The following TPH2 variants were observed in gnomAD, a reference collection of about 807,000 sequenced individuals.
TPH2 encodes the protein tryptophan hydroxylase 2.
A neutral mutation model predicts 59.1 loss-of-function variants in TPH2; 27 were observed. The observed-to-expected ratio is 0.46, with a 90% confidence interval of 0.34 to 0.63. The LOEUF (loss-of-function observed/expected upper bound fraction) is 0.63, where lower values mean the gene tolerates loss of function less well. TPH2 is among the 30% of genes least tolerant of loss of function. TPH2 has a pLI of 0.01. For missense variants in TPH2, 523 were observed against 588.3 expected (o/e 0.89, Z 1.15); for synonymous variants, 220 against 210.5 (o/e 1.05, Z -0.39).
chr12:72,002,169 A>G (rs1359274759), intron 8 of TPH2, among the ~76,000 whole-genome samples: 6 of 152,218 alleles, frequency 3.9e-5, no homozygotes, highest in African/African-American at 1.4e-4. Flanking sequence ...CATCCCATAA[A>G]TATATACAAC....
At chr12:71,949,475 G>C in intron 4 of TPH2, 113 bp from the exon 5 acceptor site, 3 of 864,624 alleles carry the variant, frequency 3.5e-6, no homozygotes. Flanking sequence ...GCCATCCTAG[G>C]ATAAGATTTA....
intron 8 of TPH2, among the ~76,000 whole-genome samples, chr12:72,005,638 A>G (rs189738110): frequency 6.6e-6 from 1 of 152,308 alleles, no homozygotes; most frequent in East Asian, 1.9e-4. Flanking sequence ...TATCTTTTAT[A>G]TCTACAGAGG....
intron 8 of TPH2, among the ~76,000 whole-genome samples, chr12:71,994,794 G>A (rs769826493): frequency 6.6e-6 from 1 of 152,132 alleles, no homozygotes; most frequent in African/African-American, 2.4e-5. Flanking sequence ...GAGATAAAGG[G>A]CTAGATAGTA....
At chr12:71,962,189 A>G in intron 5 of TPH2, 1 of 985,858 alleles carries the variant, frequency 1.0e-6, no homozygotes, top group Non-Finnish European at 1.2e-6. Context: ...AGATGACTTG[A>G]ATGTTTTGAA....
chr12:71,994,321 A>G (rs1052483299), intron 7 of TPH2, 118 bp from the exon 8 acceptor site: 13 of 1,092,160 alleles, frequency 1.2e-5, no homozygotes, highest in Admixed American at 3.5e-5. Flanking sequence ...GCATTGATGA[A>G]CTGTAGTAAC....
chr12:72,008,163 G>A (rs1873005209), intron 8 of TPH2, among the ~76,000 whole-genome samples: 1 of 152,176 alleles, frequency 6.6e-6, no homozygotes, highest in Admixed American at 6.5e-5. Flanking sequence ...CTGATCAAAG[G>A]TGGCTTCCTG....
chr12:71,999,145 C>T (rs561113490), intron 8 of TPH2, among the ~76,000 whole-genome samples: 8 of 152,250 alleles, frequency 5.3e-5, no homozygotes, highest in Non-Finnish European at 1.2e-4. Context: ...TCTGATTTTC[C>T]GAGGTACTAG....
In TPH2 at chr12:71,972,660, TG is replaced by T; in HGVS notation, c.752del (p.Gly251AlafsTer17). ...ACTTCCCTCTGCTGACTAAATACTG[TG>T]GCTACAGAGAGGACAATGTGCCTCA... ...KNFPLLTKYC[G>X]YREDNVPQLE... On this transcript the variant is annotated frameshift_variant, in exon 6 of 11. Transcript: ENST00000333850. LOFTEE classifies it high-confidence loss of function. 1 of 1,614,184 alleles carries T rather than the reference TG, an allele frequency of 6.2e-7. No homozygotes were observed. The highest frequency in any genetic ancestry group is 8.5e-7 in the Non-Finnish European group (1 of 1,180,032).
chr12:71,999,664 A>G (rs1259449602), intron 8 of TPH2, among the ~76,000 whole-genome samples: 1 of 152,218 alleles, frequency 6.6e-6, no homozygotes, highest in African/African-American at 2.4e-5. Flanking sequence ...ATATAAGATA[A>G]TAAGGAGTAT....
At chr12:72,002,399 G>C (rs1439813663) in intron 8 of TPH2, among the ~76,000 whole-genome samples, 1 of 152,052 alleles carries the variant, frequency 6.6e-6, no homozygotes. Context: ...GAGAAAATGA[G>C]AATACACTGT....
chr12:71,983,633 G>T lies in TPH2; in HGVS notation c.941+4546G>T, dbSNP rs528095363. On this transcript the variant is annotated intron_variant, in intron 7 of 10. Coordinates refer to ENST00000333850, the MANE Select transcript of TPH2 (RefSeq NM_173353.4). ...CCGTCCACCTCATCTTTTAGAACAGGGTTACTTGCAGATCCTAGGCAGAGA... is the reference window on the plus strand; with the variant it reads ...CCGTCCACCTCATCTTTTAGAACAGTGTTACTTGCAGATCCTAGGCAGAGA... Among the ~76,000 whole-genome samples, 58 of 152,196 alleles carry T rather than the reference G, an allele frequency of 3.8e-4. 1 individual carries two copies. The South Asian group carries it at 0.011, about 30-fold the overall frequency.
intron 8 of TPH2, among the ~76,000 whole-genome samples, chr12:72,004,243 G>C (rs1040156438): frequency 6.6e-6 from 1 of 150,592 alleles, no homozygotes; most frequent in Non-Finnish European, 1.5e-5. Context: ...TAGGCACAAA[G>C]AAACAAATTA....
chr12:71,943,150 T>C (rs1209573000), intron 2 of TPH2, among the ~76,000 whole-genome samples: 1 of 152,182 alleles, frequency 6.6e-6, no homozygotes, highest in African/African-American at 2.4e-5. Context: ...TGAAAAAACA[T>C]GCATGATATT....
chr12:71,949,700 A>G, intron 5 of TPH2, 45 bp downstream of exon 5: 1 of 1,514,690 alleles, frequency 6.6e-7, no homozygotes, highest in East Asian at 2.3e-5. Context: ...TAGTTAGGAA[A>G]AACACATGCT....
At chr12:71,995,433 T>C (rs1872670869) in intron 8 of TPH2, among the ~76,000 whole-genome samples, 1 of 152,188 alleles carries the variant, frequency 6.6e-6, no homozygotes, top group African/African-American at 2.4e-5. Flanking sequence ...TCAGCACAGG[T>C]ACACCACAGT....
At chr12:71,962,364 TC>T in intron 5 of TPH2, 1 of 985,504 alleles carries the variant, frequency 1.0e-6, no homozygotes. Context: ...TTAGTTAAGT[TC>T]GGACTTTTCT....
chr12:71,978,091 G>C (rs777630498), intron 6 of TPH2, among the ~76,000 whole-genome samples: 2 of 152,084 alleles, frequency 1.3e-5, no homozygotes, highest in Non-Finnish European at 2.9e-5. Flanking sequence ...GTACCATCTA[G>C]GTTTGTGTGA....
At chr12:71,984,083 C>T (rs533127860) in intron 7 of TPH2, among the ~76,000 whole-genome samples, 2 of 152,260 alleles carry the variant, frequency 1.3e-5, no homozygotes, top group South Asian at 4.2e-4. Flanking sequence ...AGCAAACTTT[C>T]AGCATTGAGG....
chr12:72,022,391 T>C lies in TPH2; in HGVS notation c.1069-8T>C. The stretch of plus-strand genomic sequence containing the variant: ...CAGTTCACTGAATATGTGTTCGTTT[T>C]TCTTCAGTGCTATTTCTTCACAATC... On this transcript the variant is annotated splice_region_variant and splice_polypyrimidine_tract_variant and intron_variant, in intron 8 of 10. Coordinates refer to ENST00000333850, the MANE Select transcript of TPH2 (RefSeq NM_173353.4). The C allele has an allele frequency of 1.9e-6, 3 of 1,611,566 alleles. No individual in the cohort carries two copies. The highest frequency in any genetic ancestry group is 2.2e-5 in the South Asian group (2 of 91,038).
Sources: gnomAD v4.1 joint callset for allele counts (sites outside exome capture counted in the v4.1 genomes callset) on GRCh38, gnomAD v4.1.1 for gene constraint, MANE v1.5 for transcripts, NCBI Gene and HGNC (gene_info 2026-07-23, HGNC 2026-07-21) for gene names.